SLC44A5: variants seen among roughly 807,000 people sequenced by gnomAD.
SLC44A5 encodes solute carrier family 44 member 5, also known as choline transporter-like protein 5.
SLC44A5 carries 57 observed loss-of-function variants against 101.8 expected under a neutral mutation model. That is an observed-to-expected ratio of 0.56 (90% CI 0.45 to 0.70). The LOEUF is 0.70. Ranked by LOEUF, SLC44A5 falls within the 30% of genes least tolerant of loss-of-function variation. SLC44A5 has a pLI of 0.00. For synonymous variants in SLC44A5, 281 were observed against 290.9 expected (o/e 0.97, Z 0.35); for missense variants, 737 against 853.1 (o/e 0.86, Z 1.70).
intron 4 of SLC44A5, 34 bp downstream of exon 4, chr1:75,339,547 TA>T: frequency 3.2e-6 from 5 of 1,577,768 alleles, no homozygotes; most frequent in Non-Finnish European, 1.7e-6. Flanking sequence ...TGTGTATGTT[TA>T]AAAAAGCATA....
intron 1 of SLC44A5, among the ~76,000 whole-genome samples, chr1:75,564,598 T>A (rs1002277273): frequency 2.1e-5 from 3 of 143,482 alleles, no homozygotes; most frequent in Admixed American, 7.1e-5. Context: ...TACTTTTTTT[T>A]TAATTTTTAT....
chr1:75,278,155 T>C (rs1420774006), intron 5 of SLC44A5, among the ~76,000 whole-genome samples: 4 of 152,126 alleles, frequency 2.6e-5, no homozygotes, highest in African/African-American at 9.7e-5. Flanking sequence ...TTTAAAGACA[T>C]TATAAACAAC....
At chr1:75,284,365 C>CT (rs1652871027) in intron 5 of SLC44A5, among the ~76,000 whole-genome samples, 1 of 151,590 alleles carries the variant, frequency 6.6e-6, no homozygotes, top group African/African-American at 2.4e-5. Flanking sequence ...CTGAAACTTT[C>CT]TTTATTTATA....
chr1:75,684,459 T>A, the SLC44A5 span, among the ~76,000 whole-genome samples: 1 of 152,132 alleles, frequency 6.6e-6, no homozygotes, highest in Non-Finnish European at 1.5e-5. Context: ...TAGGAGCCCA[T>A]GAAATCAAAG....
the SLC44A5 span, among the ~76,000 whole-genome samples, chr1:75,668,493 T>G: frequency 6.6e-6 from 1 of 150,632 alleles, no homozygotes; most frequent in Non-Finnish European, 1.5e-5. Context: ...CCCGGTTAAT[T>G]TTTTGAGAAG....
At chr1:75,277,469 C>G (rs1235476669) in intron 5 of SLC44A5, among the ~76,000 whole-genome samples, 1 of 152,138 alleles carries the variant, frequency 6.6e-6, no homozygotes, top group East Asian at 1.9e-4. Context: ...AGGTGTGTTG[C>G]TTGCTTTCTA....
At position 75,276,672 on chromosome 1, in the gene SLC44A5, A is replaced by G. The variant is rs542028046; in HGVS notation, c.176-1630T>C. ...GGTGCTTGGCATACAATATGGACTC[A>G]GTAATCTTAGTTCTTGTCTTATTTG... On this transcript the variant is annotated intron_variant, in intron 5 of 23. Transcript: ENST00000370859. Among the ~76,000 whole-genome samples, 8 of 152,348 alleles carry G rather than the reference A, an allele frequency of 5.3e-5. No individual in the cohort carries two copies. The South Asian group carries it at 1.7e-3, about 32-fold the overall frequency.
intron 2 of SLC44A5, among the ~76,000 whole-genome samples, chr1:75,501,665 T>C (rs1668965405): frequency 6.6e-6 from 1 of 152,288 alleles, no homozygotes; most frequent in South Asian, 2.1e-4. Flanking sequence ...GAGTTTATGT[T>C]GGTTTTGTCA....
the SLC44A5 span, among the ~76,000 whole-genome samples, chr1:75,654,853 G>A: frequency 1.6e-4 from 25 of 151,936 alleles, no homozygotes; most frequent in East Asian, 3.9e-4. Flanking sequence ...TGCAATACTC[G>A]TTTCTTTCTA....
chr1:75,503,872 T>A (rs1452051999), intron 2 of SLC44A5, among the ~76,000 whole-genome samples: 2 of 152,306 alleles, frequency 1.3e-5, no homozygotes, highest in African/African-American at 4.8e-5. Context: ...AGGTCTGTAG[T>A]GTATCCTGCC....
chr1:75,657,356 C>A, the SLC44A5 span, among the ~76,000 whole-genome samples: 1 of 151,918 alleles, frequency 6.6e-6, no homozygotes, highest in Non-Finnish European at 1.5e-5. Flanking sequence ...TGAAACCAGT[C>A]TGGGCAACAT....
At chr1:75,596,516 G>T (rs996592500) in intron 1 of SLC44A5, among the ~76,000 whole-genome samples, 2 of 151,852 alleles carry the variant, frequency 1.3e-5, no homozygotes, top group Non-Finnish European at 2.9e-5. Context: ...AAAACTTCAG[G>T]CCAATATCCT....
intron 12 of SLC44A5, among the ~76,000 whole-genome samples, chr1:75,232,821 A>T (rs999389988): frequency 1.3e-5 from 2 of 152,098 alleles, no homozygotes; most frequent in Non-Finnish European, 1.5e-5. Context: ...CAAACTTCCA[A>T]AGTTACCCAG....
intron 2 of SLC44A5, among the ~76,000 whole-genome samples, chr1:75,479,513 TGAAGAA>T (rs1328018073): frequency 6.6e-6 from 1 of 151,722 alleles, no homozygotes; most frequent in African/African-American, 2.4e-5. Flanking sequence ...GCAAGACTAA[TGAAGAA>T]GAAAAGAGAG....
intron 1 of SLC44A5, among the ~76,000 whole-genome samples, chr1:75,599,396 A>G (rs1440320835): frequency 1.3e-5 from 2 of 152,182 alleles, no homozygotes; most frequent in East Asian, 3.8e-4. Flanking sequence ...AGTGGACCAG[A>G]GCGACACTCT....
intron 3 of SLC44A5, among the ~76,000 whole-genome samples, chr1:75,375,699 C>T (rs1049674093): frequency 6.6e-6 from 1 of 152,218 alleles, no homozygotes; most frequent in Non-Finnish European, 1.5e-5. Context: ...CTATTTTTAG[C>T]ATTCTTGAAG....
chr1:75,712,090 T>C, the SLC44A5 span, among the ~76,000 whole-genome samples: 1 of 152,246 alleles, frequency 6.6e-6, no homozygotes, highest in African/African-American at 2.4e-5. Flanking sequence ...GTCTTTCTAT[T>C]GGTTTCCAAG....
chr1:75,591,924 T>C (rs532876707), intron 1 of SLC44A5, among the ~76,000 whole-genome samples: 13 of 152,092 alleles, frequency 8.5e-5, no homozygotes, highest in African/African-American at 3.1e-4. Context: ...AGCTAGTGTC[T>C]ACTGAATAGG....
intron 23 of SLC44A5, chr1:75,206,518 A>C: frequency 2.3e-6 from 2 of 875,470 alleles, no homozygotes; most frequent in Admixed American, 4.3e-5. Context: ...CAGAAATTTC[A>C]CATTACTCAA....
Sources: gnomAD v4.1 joint callset for allele counts (sites outside exome capture counted in the v4.1 genomes callset) on GRCh38, gnomAD v4.1.1 for gene constraint, MANE v1.5 for transcripts, NCBI Gene and HGNC (gene_info 2026-07-23, HGNC 2026-07-21) for gene names.